The following ITGB2 variants were observed in gnomAD, a reference collection of about 807,000 sequenced individuals.
ITGB2 encodes integrin beta-2.
In ITGB2, 56 loss-of-function variants were observed where a neutral mutation model predicts 86.8. The ratio of observed to expected loss-of-function variants is 0.65; its 90% CI spans 0.52 to 0.81. The LOEUF is 0.81. ITGB2 is among the 30% of genes least tolerant of loss of function. The pLI is 0.00. For missense variants in ITGB2, 948 were observed against 1,061.2 expected (o/e 0.89, Z 1.48); for synonymous variants, 457 against 450.4 (o/e 1.01, Z -0.19).
At position 44,888,875 on chromosome 21, in the gene ITGB2, T is replaced by G; in HGVS notation, c.1898A>C (p.Lys633Thr). The change falls in exon 14 of 16, where the codon AAG (lysine) becomes ACG (threonine). Residue 633 changes from lysine (K) to threonine (T), a missense_variant. Physicochemically the swap from Lys to Thr is moderately conservative, Grantham distance 78. Coordinates refer to ENST00000652462, the MANE Select transcript of ITGB2 (RefSeq NM_000211.5). ...GKYISCAECL[K>T]FEKGPFGKNC... ...CTTCCCAAAGGGGCCCTTTTCGAAC[T>G]TCAGGCACTCGGCGCAGGAGCTGCG... The G allele has an allele frequency of 6.2e-7, 1 of 1,606,966 alleles. No individual in the cohort carries two copies. Among genetic ancestry groups the G allele is most frequent in the Non-Finnish European group, 8.5e-7 (1 of 1,179,882 alleles).
chr21:44,899,868 C>T (rs1190205722), intron 7 of ITGB2, among the ~76,000 whole-genome samples: 1 of 152,180 alleles, frequency 6.6e-6, no homozygotes. Context: ...GCAATGGGGG[C>T]AGGGAGGGGC....
At chr21:44,888,479 C>T (rs2083730905) in intron 14 of ITGB2, among the ~76,000 whole-genome samples, 1 of 152,120 alleles carries the variant, frequency 6.6e-6, no homozygotes, top group African/African-American at 2.4e-5. Context: ...GATGTGGGGT[C>T]AGGTGAGGAG....
chr21:44,886,086 A>G lies in ITGB2; in HGVS notation c.*282T>C. 1.9e-6 allele frequency: 1 copy of G among 535,920 alleles called. No individual in the cohort carries two copies. Among genetic ancestry groups the G allele is most frequent in the African/African-American group, 1.9e-5 (1 of 52,404 alleles). 33.2% of individuals were successfully genotyped at this position (535,920 alleles called of 1,614,324 possible). ...ATAAATTGGCACCACCTTTAATCAG[A>G]CTGATGTCCTGACTTGCACAGGAAA... is the stretch of plus-strand genomic sequence containing the variant. On this transcript the variant is annotated 3_prime_UTR_variant, in exon 16 of 16. Transcript: ENST00000652462.
intron 1 of ITGB2, among the ~76,000 whole-genome samples, chr21:44,916,274 A>G (rs1443771544): frequency 6.6e-6 from 1 of 151,820 alleles, no homozygotes; most frequent in African/African-American, 2.4e-5. Context: ...ATAAAATGAG[A>G]CACCCCACCC....
chr21:44,919,971 G>A (rs778065317), intron 1 of ITGB2, among the ~76,000 whole-genome samples: 4 of 152,186 alleles, frequency 2.6e-5, no homozygotes, highest in Non-Finnish European at 5.9e-5. Context: ...CCTCCCACCA[G>A]GACCTTGGGA....
intron 8 of ITGB2, among the ~76,000 whole-genome samples, chr21:44,895,901 ATAAAT>A (rs762751959): frequency 6.7e-6 from 1 of 149,254 alleles, no homozygotes; most frequent in Admixed American, 6.6e-5. Flanking sequence ...ATAAAATAAA[ATAAAT>A]AAAAAATAAA....
intron 7 of ITGB2, among the ~76,000 whole-genome samples, chr21:44,899,493 G>A (rs1420210742): frequency 2.0e-5 from 3 of 152,192 alleles, no homozygotes; most frequent in Non-Finnish European, 4.4e-5. Context: ...CTCAGTTTCG[G>A]TAGAGGCCAT....
intron 4 of ITGB2, among the ~76,000 whole-genome samples, chr21:44,906,400 C>T (rs1233859261): frequency 1.3e-5 from 2 of 152,040 alleles, no homozygotes; most frequent in Admixed American, 6.5e-5. Flanking sequence ...GGATTACAGG[C>T]GTGAGCCACC....
chr21:44,901,410 A>AC, intron 6 of ITGB2, 82 bp downstream of exon 6: 15 of 1,529,402 alleles, frequency 9.8e-6, no homozygotes, highest in Non-Finnish European at 1.3e-5. Context: ...CGGCCAGGGT[A>AC]CCCCCCTGCC....
chr21:44,907,286 G>A (rs80269739), intron 3 of ITGB2, among the ~76,000 whole-genome samples, 191 bp from the exon 4 acceptor site: 14,711 of 152,194 alleles, frequency 0.097, 906 homozygotes, highest in Middle Eastern at 0.18. Context: ...GAAGGCTCCC[G>A]GCCACAGCAG....
At chr21:44,916,434 G>A (rs1464125791) in intron 1 of ITGB2, among the ~76,000 whole-genome samples, 2 of 152,136 alleles carry the variant, frequency 1.3e-5, no homozygotes, top group Admixed American at 1.3e-4. Context: ...CCTGGGTGGC[G>A]ACGTGAGGCC....
chr21:44,928,322 G>C (rs117375406), intron 1 of ITGB2: 2 of 152,192 alleles, frequency 1.3e-5, no homozygotes, highest in East Asian at 1.9e-4. Flanking sequence ...GAGATGGAAC[G>C]AGGAAAACAG....
intron 5 of ITGB2, among the ~76,000 whole-genome samples, chr21:44,902,948 G>A (rs967262476): frequency 6.6e-6 from 1 of 152,248 alleles, no homozygotes; most frequent in African/African-American, 2.4e-5. Context: ...CTGCTCTGTG[G>A]CAAGGCAGTG....
Position 44,886,258 on chromosome 21 carries a change from G to T in ITGB2, c.*110C>A. 1 of 1,095,534 alleles carries T rather than the reference G, an allele frequency of 9.1e-7. No individual in the cohort carries two copies. The highest frequency in any genetic ancestry group is 1.5e-5 in the African/African-American group (1 of 64,884). The allele number at this position is 1,095,534 out of a possible 1,614,324, so 67.9% of individuals were successfully genotyped here. A position where few individuals can be genotyped will look rare whatever the true frequency, so the allele number is the denominator to read the frequency against. ...GTCATTTTGAGGGCGGAAAATAACT[G>T]GATTTCTGGTTAATTGGTGACATCC... On this transcript the variant is annotated 3_prime_UTR_variant, in exon 16 of 16. Transcript: ENST00000652462.
In ITGB2 at chr21:44,894,957, T is replaced by C; in HGVS notation, c.1083+14A>G. On this transcript the variant is annotated intron_variant, in intron 9 of 15. Transcript: ENST00000652462. ...CACCCCATGGGTCCCAGCTGAGTGG[T>C]GCGGGAGACTCACATTGTAAGCATT... 1 of 1,557,554 alleles carries C rather than the reference T, an allele frequency of 6.4e-7. No individual in the cohort carries two copies. Among genetic ancestry groups the C allele is most frequent in the South Asian group, 1.1e-5 (1 of 90,034 alleles).
chr21:44,916,399 T>C (rs978523348), intron 1 of ITGB2, among the ~76,000 whole-genome samples: 6 of 152,096 alleles, frequency 3.9e-5, no homozygotes, highest in African/African-American at 1.4e-4. Context: ...CACTCCTCCA[T>C]CTAACATGAA....
intron 3 of ITGB2, chr21:44,908,300 G>A: frequency 6.2e-6 from 3 of 487,142 alleles, no homozygotes; most frequent in East Asian, 6.1e-5. Flanking sequence ...TTATAAGACA[G>A]GAGAAAAGAG....
In ITGB2 at chr21:44,886,818, A is replaced by G. The variant is rs765927176; in HGVS notation, c.2165T>C (p.Ile722Thr). ...IVLIGILLLV[I>T]WKALIHLSDL... ...GCTCAGGTGGATCAGAGCCTTCCAG[A>G]TGACCAGCAGGAGAATGCCGATCAG... The change falls in exon 15 of 16, where the codon ATC (isoleucine) becomes ACC (threonine). Residue 722 changes from isoleucine to threonine, a missense_variant. Physicochemically the swap from Ile to Thr is moderately conservative, Grantham distance 89 (BLOSUM62 -1). Coordinates refer to ENST00000652462, the MANE Select transcript of ITGB2 (RefSeq NM_000211.5). 7 of 1,613,760 alleles carry G rather than the reference A, an allele frequency of 4.3e-6. No individual in the cohort carries two copies. The highest frequency in any genetic ancestry group is 1.1e-5 in the South Asian group (1 of 91,072).
chr21:44,901,831 C>G, intron 5 of ITGB2, 98 bp from the exon 6 acceptor site: 1 of 1,369,202 alleles, frequency 7.3e-7, no homozygotes, highest in Non-Finnish European at 9.9e-7. Context: ...TTCCTCTCTC[C>G]TAGCAGGGAG....
Sources: allele counts gnomAD v4.1 joint callset (sites outside exome capture counted in the v4.1 genomes callset), GRCh38; gene constraint gnomAD v4.1.1; transcripts MANE v1.5; gene names NCBI Gene and HGNC (gene_info 2026-07-23, HGNC 2026-07-21).